ZHX1: variants seen among roughly 807,000 people sequenced by gnomAD.
The protein encoded by ZHX1 is zinc fingers and homeoboxes protein 1.
A neutral mutation model predicts 61.8 loss-of-function variants in ZHX1; 20 were observed. The ratio of observed to expected loss-of-function variants is 0.32; its 90% CI spans 0.23 to 0.47. The LOEUF (loss-of-function observed/expected upper bound fraction) is 0.47, where lower values mean the gene tolerates loss of function less well. ZHX1 is among the 20% of genes least tolerant of loss of function. ZHX1 has a pLI of 1.00. For synonymous variants in ZHX1, 318 were observed against 352.6 expected, an observed-to-expected ratio of 0.90 and a Z score of 1.10; for missense variants, 800 against 1,034.8, an observed-to-expected ratio of 0.77 and a Z score of 3.11.
At chr8:123,257,497 G>A (rs1306167888) in intron 2 of ZHX1, among the ~76,000 whole-genome samples, 2 of 152,150 alleles carry the variant, frequency 1.3e-5, no homozygotes, top group Admixed American at 6.5e-5. Flanking sequence ...GACACTTGAT[G>A]TGTTGATCTG....
At chr8:123,268,838 T>C (rs569195124) in intron 1 of ZHX1, among the ~76,000 whole-genome samples, 1 of 152,344 alleles carries the variant, frequency 6.6e-6, no homozygotes, top group South Asian at 2.1e-4. Flanking sequence ...AATGAATAAA[T>C]ATTAAGGAAG....
At chr8:123,264,477 A>G (rs183541587) in intron 2 of ZHX1, among the ~76,000 whole-genome samples, 1 of 152,226 alleles carries the variant, frequency 6.6e-6, no homozygotes, top group African/African-American at 2.4e-5. Flanking sequence ...TTGGACTTCA[A>G]ATTAAATGAT....
chr8:123,260,978 C>T (rs1826234816), intron 2 of ZHX1, among the ~76,000 whole-genome samples: 1 of 151,272 alleles, frequency 6.6e-6, no homozygotes, highest in Admixed American at 6.6e-5. Flanking sequence ...GCCAAGATCG[C>T]ACCACTGCAT....
chr8:123,265,164 G>C (rs1403851309), intron 2 of ZHX1, among the ~76,000 whole-genome samples: 6 of 149,982 alleles, frequency 4.0e-5, no homozygotes, highest in African/African-American at 1.5e-4. Context: ...ACTCCAGCCT[G>C]GATGATAAGA....
chr8:123,267,179 T>G, intron 2 of ZHX1, 94 bp downstream of exon 2: 1 of 1,224,540 alleles, frequency 8.2e-7, no homozygotes, highest in Middle Eastern at 1.9e-4. Flanking sequence ...TAAGGAAAGC[T>G]TTTAAAAACT....
chr8:123,256,943 G>C (rs1826089705), intron 2 of ZHX1: 1 of 152,050 alleles, frequency 6.6e-6, no homozygotes, highest in Admixed American at 6.6e-5. Context: ...TTTTGAGACA[G>C]AGTCTCACTC....
intron 2 of ZHX1, among the ~76,000 whole-genome samples, chr8:123,264,306 A>G (rs1826380565): frequency 1.3e-5 from 2 of 152,174 alleles, no homozygotes; most frequent in South Asian, 4.1e-4. Flanking sequence ...TACATTTTAA[A>G]AAAGATTAAA....
upstream of ZHX1, among the ~76,000 whole-genome samples, chr8:123,274,679 C>T (rs1375059023): frequency 1.3e-5 from 2 of 152,056 alleles, no homozygotes; most frequent in African/African-American, 4.8e-5. Context: ...AGACGCCCCG[C>T]CTTCCCAGGG....
intron 1 of ZHX1, among the ~76,000 whole-genome samples, chr8:123,269,809 T>G (rs75060110): frequency 0.01 from 1,550 of 152,332 alleles, 28 homozygotes; most frequent in African/African-American, 0.034. Context: ...AAGAAATCTT[T>G]CTTTAAAATT....
chr8:123,274,637 C>A (rs1452690193), upstream of ZHX1: 1 of 152,214 alleles, frequency 6.6e-6, no homozygotes, highest in Non-Finnish European at 1.5e-5. Context: ...GAAGCCCCGC[C>A]CCAGACTGCG....
At chr8:123,262,467 C>A (rs1030311597) in intron 2 of ZHX1, among the ~76,000 whole-genome samples, 1 of 152,134 alleles carries the variant, frequency 6.6e-6, no homozygotes, top group African/African-American at 2.4e-5. Context: ...TTATGGGTGA[C>A]ATTTTTATGT....
chr8:123,255,433 A>G lies in ZHX1; in HGVS notation c.514T>C (p.Ser172Pro). Residue 172 changes from serine (S) to proline (P), a missense_variant, in exon 3 of 4, where the codon TCT (serine) becomes CCT (proline). Ser to Pro is a moderately conservative substitution (Grantham distance 74, BLOSUM62 -1). Transcript: ENST00000395571. ...NAEQAESTEV[S>P]SSGISISKTP... ...TTACTGATAGATATTCCCGAAGAAG[A>G]AACTTCTGTAGATTCTGCTTGCTCT... 1 of 1,613,364 alleles carries G rather than the reference A, an allele frequency of 6.2e-7. No homozygotes were observed. Among genetic ancestry groups the G allele is most frequent in the Non-Finnish European group, 8.5e-7 (1 of 1,180,022 alleles).
Position 123,267,302 on chromosome 8 carries a change from T to G in ZHX1, c.-255A>C. 1 of 1,530,602 alleles carries G rather than the reference T, an allele frequency of 6.5e-7. No individual in the cohort carries two copies. Among genetic ancestry groups the G allele is most frequent in the Non-Finnish European group, 8.7e-7 (1 of 1,143,238 alleles). The allele number at this position is 1,530,602 out of a possible 1,614,324, so 94.8% of individuals were successfully genotyped here. ...CACAGCTTCCTTAGCATTCTGTTCTTTGAAATGGAAGGGTATCCCTTCTAG... is the reference window on the plus strand; with the variant it reads ...CACAGCTTCCTTAGCATTCTGTTCTGTGAAATGGAAGGGTATCCCTTCTAG... On this transcript the variant is annotated 5_prime_UTR_variant, in exon 2 of 4. Coordinates refer to ENST00000395571, the MANE Select transcript of ZHX1 (RefSeq NM_007222.5).
intron 3 of ZHX1, chr8:123,252,631 G>A (rs1489667784): frequency 6.6e-6 from 1 of 152,138 alleles, no homozygotes; most frequent in Non-Finnish European, 1.5e-5. Context: ...TTCAAAGACA[G>A]ATGCCGCCTA....
rs1482470201 is a variant in ZHX1 at position 123,253,827 on chromosome 8, CAACT to C, written c.2116_2119del (p.Ser706GlyfsTer14). 2 of 1,614,092 alleles carry C rather than the reference CAACT, an allele frequency of 1.2e-6. No individual in the cohort carries two copies. The highest frequency in any genetic ancestry group is 1.7e-6 in the Non-Finnish European group (2 of 1,180,040). On this transcript the variant is annotated frameshift_variant, in exon 3 of 4. Coordinates refer to ENST00000395571, the MANE Select transcript of ZHX1 (RefSeq NM_007222.5). LOFTEE classifies it high-confidence loss of function. ...CCAAGCATAACGGGTGTCCCCAAACCAACTAACTATGTCTGTTCTAGCAAGCCCG... is the reference window on the plus strand; with the variant it reads ...CCAAGCATAACGGGTGTCCCCAAACCAACTATGTCTGTTCTAGCAAGCCCG...
chr8:123,259,981 C>G (rs1040257912), intron 2 of ZHX1, among the ~76,000 whole-genome samples: 15 of 151,968 alleles, frequency 9.9e-5, no homozygotes, highest in Admixed American at 3.3e-4. Context: ...CAGTGAAACC[C>G]CGTCTCTACT....
In ZHX1 at chr8:123,267,325, T is replaced by C; in HGVS notation, c.-278A>G. On this transcript the variant is annotated 5_prime_UTR_variant, in exon 2 of 4. Transcript: ENST00000395571. ...CTTTGAAATGGAAGGGTATCCCTTC[T>C]AGTTAGATGTTTAGCTCAGGCCATC... The C allele has an allele frequency of 2.0e-6, 3 of 1,522,446 alleles. No individual in the cohort carries two copies. The highest frequency in any genetic ancestry group is 2.6e-6 in the Non-Finnish European group (3 of 1,137,472). 94.3% of individuals were successfully genotyped at this position (1,522,446 alleles called of 1,614,324 possible).
intron 2 of ZHX1, chr8:123,262,859 C>T (rs1045237558): frequency 6.6e-6 from 1 of 150,600 alleles, no homozygotes; most frequent in South Asian, 2.1e-4. Context: ...GCTTCCACAG[C>T]ACAAATACTA....
At chr8:123,269,487 C>T (rs1826571563) in intron 1 of ZHX1, among the ~76,000 whole-genome samples, 2 of 152,120 alleles carry the variant, frequency 1.3e-5, no homozygotes, top group South Asian at 2.1e-4. Context: ...AATTAAAGAG[C>T]TCATCTCAGC....
Sources: gnomAD v4.1 joint callset for allele counts (sites outside exome capture counted in the v4.1 genomes callset) on GRCh38, gnomAD v4.1.1 for gene constraint, MANE v1.5 for transcripts, NCBI Gene and HGNC (gene_info 2026-07-23, HGNC 2026-07-21) for gene names.